Variants in STRBP observed in about 807,000 individuals in gnomAD.
The protein encoded by STRBP is spermatid perinuclear RNA-binding protein.
STRBP carries 13 observed loss-of-function variants against 80.1 expected under a neutral mutation model. The observed-to-expected ratio is 0.16, with a 90% CI of 0.11 to 0.26. The LOEUF (loss-of-function observed/expected upper bound fraction) is 0.26. Ranked by LOEUF, STRBP falls within the 10% of genes least tolerant of loss-of-function variation. The probability of loss-of-function intolerance (pLI) is 1.00; values close to 1 mark genes in which losing one functional copy is unlikely to be tolerated. For missense variants in STRBP, 485 were observed against 815.2 expected, an observed-to-expected ratio of 0.59 and a Z score of 4.93; for synonymous variants, 284 against 291.2, an observed-to-expected ratio of 0.98 and a Z score of 0.25.
intron 2 of STRBP, among the ~76,000 whole-genome samples, chr9:123,229,251 T>G (rs1373259082): frequency 2.0e-5 from 3 of 152,184 alleles, no homozygotes; most frequent in Non-Finnish European, 2.9e-5. Flanking sequence ...GTTCTGGAAT[T>G]TAGACAGTGG....
intron 2 of STRBP, among the ~76,000 whole-genome samples, chr9:123,185,730 C>T (rs944166189): frequency 2.6e-5 from 4 of 152,126 alleles, no homozygotes; most frequent in African/African-American, 9.7e-5. Flanking sequence ...GTGAATCCAG[C>T]AGCCAAAAAC....
In STRBP at chr9:123,214,145, T is replaced by TACACACACACACAC. The variant is rs138090782; in HGVS notation, c.-165+22671_-165+22684dup. ...TGTGGTGTATATATATATATATGTATACACACACACACACACACACACACA... is the reference window on the plus strand; with the variant it reads ...TGTGGTGTATATATATATATATGTATACACACACACACACACACACACACACACACACACACACA... On this transcript the variant is annotated intron_variant, in intron 2 of 18. Coordinates refer to ENST00000348403, the MANE Select transcript of STRBP (RefSeq NM_018387.5). Among the ~76,000 whole-genome samples the TACACACACACACAC allele has an allele frequency of 5.0e-5, 7 of 141,352 alleles. No individual in the cohort carries two copies. The East Asian group carries it at 6.2e-4, about 13-fold the overall frequency. 92.7% of individuals were successfully genotyped at this position (141,352 alleles called of 152,430 possible).
chr9:123,166,942 G>A (rs2037792157), intron 6 of STRBP, among the ~76,000 whole-genome samples: 1 of 152,048 alleles, frequency 6.6e-6, no homozygotes, highest in Non-Finnish European at 1.5e-5. Flanking sequence ...AAACATAGGA[G>A]GAAACTTACC....
intron 2 of STRBP, among the ~76,000 whole-genome samples, chr9:123,206,901 G>A (rs891487898): frequency 1.3e-5 from 2 of 152,162 alleles, no homozygotes; most frequent in African/African-American, 2.4e-5. Flanking sequence ...GCCTCCCAAA[G>A]TGCTAGAATT....
intron 2 of STRBP, among the ~76,000 whole-genome samples, chr9:123,199,611 T>C (rs374450742): frequency 6.6e-6 from 1 of 152,230 alleles, no homozygotes; most frequent in African/African-American, 2.4e-5. Flanking sequence ...TGGTTAGGTA[T>C]ATTCCTAGTT....
Position 123,115,954 on chromosome 9 carries a change from C to T in STRBP, c.*59G>A. 1 of 454,870 alleles carries T rather than the reference C, an allele frequency of 2.2e-6. No homozygotes were observed. Among genetic ancestry groups the T allele is most frequent in the Admixed American group, 2.4e-5 (1 of 42,284 alleles). The allele number at this position is 454,870 out of a possible 1,614,324, so 28.2% of individuals were successfully genotyped here. ...CTGGCAGGAGTGCCCACGTTCTCTC[C>T]AGGTCTCCTCTTCACCAGCCTTAAC... On this transcript the variant is annotated 3_prime_UTR_variant and NMD_transcript_variant, in exon 3 of 4. Transcript: ENST00000471564. This position sits in a 1 kb window ranked among gnomAD's most constrained non-coding sequence, Gnocchi z 5.0.
At chr9:123,240,405 AAAAG>A (rs1394206501) in intron 1 of STRBP, among the ~76,000 whole-genome samples, 7 of 152,208 alleles carry the variant, frequency 4.6e-5, no homozygotes. Context: ...AGGCAAGCCA[AAAAG>A]AGAGAGAAAC....
At chr9:123,258,635 C>G (rs1433241572) in intron 1 of STRBP, among the ~76,000 whole-genome samples, 2 of 151,970 alleles carry the variant, frequency 1.3e-5, no homozygotes, top group Non-Finnish European at 2.9e-5. Context: ...AACCCTGTCT[C>G]TATTAAAAAT....
At chr9:123,183,677 C>T (rs1334715963) in intron 3 of STRBP, among the ~76,000 whole-genome samples, 1 of 152,078 alleles carries the variant, frequency 6.6e-6, no homozygotes, top group Non-Finnish European at 1.5e-5. Context: ...CAGCACTTGA[C>T]CCTATTATTT....
intron 2 of STRBP, among the ~76,000 whole-genome samples, chr9:123,235,847 G>A (rs1438013313): frequency 6.6e-6 from 1 of 152,044 alleles, no homozygotes. Flanking sequence ...AAACTTCCAA[G>A]AAAAATAATC....
chr9:123,225,209 C>T (rs749700745), intron 2 of STRBP, among the ~76,000 whole-genome samples: 1 of 152,118 alleles, frequency 6.6e-6, no homozygotes, highest in African/African-American at 2.4e-5. Context: ...TGGCAACGTT[C>T]TATTTCTTCT....
chr9:123,194,875 CTTT>C (rs1234178197), intron 2 of STRBP, among the ~76,000 whole-genome samples: 5 of 152,254 alleles, frequency 3.3e-5, no homozygotes, highest in East Asian at 3.9e-4. Flanking sequence ...TCCTTTTCTT[CTTT>C]ATCTCCACAA....
At chr9:123,154,587 A>AT (rs1401780649) in intron 11 of STRBP, among the ~76,000 whole-genome samples, 2 of 152,088 alleles carry the variant, frequency 1.3e-5, no homozygotes, top group Non-Finnish European at 2.9e-5. Context: ...TTTAAACTGT[A>AT]TTTTTTGTAC....
chr9:123,161,655 C>T (rs2037528227), intron 6 of STRBP, among the ~76,000 whole-genome samples: 1 of 152,098 alleles, frequency 6.6e-6, no homozygotes, highest in Non-Finnish European at 1.5e-5. Context: ...GTTTGGAATT[C>T]CCTATTCTAA....
At chr9:123,135,568 A>C (rs2036317081) in intron 16 of STRBP, among the ~76,000 whole-genome samples, 1 of 152,224 alleles carries the variant, frequency 6.6e-6, no homozygotes, top group Non-Finnish European at 1.5e-5. Context: ...ATGAACAGAC[A>C]CAATACAGCG....
chr9:123,205,241 G>A (rs2039473172), intron 2 of STRBP, among the ~76,000 whole-genome samples: 1 of 152,156 alleles, frequency 6.6e-6, no homozygotes, highest in Admixed American at 6.5e-5. Flanking sequence ...ACTCCAGCTG[G>A]GCAACAAGAG....
intron 3 of STRBP, chr9:123,112,880 C>T (rs950471234): frequency 1.2e-5 from 2 of 167,142 alleles, no homozygotes; most frequent in East Asian, 1.9e-4. Flanking sequence ...AGTCCGTCCC[C>T]GCCCCTTTAC....
intron 3 of STRBP, chr9:123,113,268 G>A (rs2035596539): frequency 6.0e-6 from 1 of 166,134 alleles, no homozygotes; most frequent in African/African-American, 2.4e-5. Context: ...CTACAGCCCA[G>A]AGAATCCAGT....
Position 123,161,052 on chromosome 9 carries a change from T to C in STRBP, c.552A>G (p.Lys184=), listed in dbSNP as rs2037502684. The part of the protein sequence containing the change: ...EKKDGENVSM[K]DPPDLLDRQK... ...GCCTGTCCAATAAGTCCGGAGGATC[T>C]TTCATCGAAACATTTTCTAACAGTA... is the stretch of plus-strand genomic sequence containing the variant. Residue 184 remains lysine, a synonymous_variant, in exon 7 of 19, where the codon AAA becomes AAG. Transcript: ENST00000348403. 1.2e-6 allele frequency: 2 copies of C among 1,600,496 alleles called. No homozygotes were observed. Among genetic ancestry groups the C allele is most frequent in the African/African-American group, 2.7e-5 (2 of 73,740 alleles).
Sources: allele counts gnomAD v4.1 joint callset (sites outside exome capture counted in the v4.1 genomes callset), GRCh38; gene constraint gnomAD v4.1.1; non-coding constraint Gnocchi (gnomAD v3.1); transcripts MANE v1.5; gene names NCBI Gene and HGNC (gene_info 2026-07-23, HGNC 2026-07-21).